SDK1: variants seen among roughly 807,000 people sequenced by gnomAD.
SDK1 encodes sidekick cell adhesion molecule 1, also known as protein sidekick-1.
A neutral mutation model predicts 245.5 loss-of-function variants in SDK1; 157 were observed. The ratio of observed to expected loss-of-function variants is 0.64; its 90% CI spans 0.56 to 0.73. The LOEUF is 0.73. Among genes scored for constraint, SDK1 ranks in the 30% least tolerant of loss-of-function variants. SDK1 has a pLI of 0.00. For synonymous variants in SDK1, 1,647 were observed against 1,278.5 expected (o/e 1.29, Z -6.15); for missense variants, 3,583 against 3,002.3 (o/e 1.19, Z -4.52).
At chr7:4,113,932 A>ACCT (rs1329498395) in intron 24 of SDK1, 105 bp from the exon 25 acceptor site, 12 of 799,848 alleles carry the variant, frequency 1.5e-5, no homozygotes, top group Non-Finnish European at 2.5e-5. Flanking sequence ...CCCCAGGAAC[A>ACCT]CCTCCTCCAC....
intron 17 of SDK1, among the ~76,000 whole-genome samples, chr7:4,047,659 T>G (rs1371102031): frequency 6.6e-6 from 1 of 152,206 alleles, no homozygotes; most frequent in Non-Finnish European, 1.5e-5. Flanking sequence ...TTGAGGATTT[T>G]GGGTGAATTT....
chr7:3,788,077 G>A (rs1405100910), intron 4 of SDK1, among the ~76,000 whole-genome samples: 2 of 152,156 alleles, frequency 1.3e-5, no homozygotes, highest in Non-Finnish European at 2.9e-5. Flanking sequence ...CAGTCTCAAA[G>A]CTGCAGCCCC....
intron 38 of SDK1, among the ~76,000 whole-genome samples, chr7:4,211,169 A>C (rs1474046413): frequency 6.6e-6 from 1 of 152,206 alleles, no homozygotes; most frequent in Non-Finnish European, 1.5e-5. Context: ...TCACGATGGA[A>C]AGAAGCTATC....
At chr7:3,428,442 A>G (rs770994663) in intron 1 of SDK1, among the ~76,000 whole-genome samples, 84 of 152,218 alleles carry the variant, frequency 5.5e-4, no homozygotes, top group Non-Finnish European at 1.1e-3. Context: ...CATACAGCAC[A>G]TGGCCAAAAA....
chr7:3,861,050 C>T (rs61071172), intron 5 of SDK1, among the ~76,000 whole-genome samples: 8,041 of 152,168 alleles, frequency 0.053, 689 homozygotes, highest in African/African-American at 0.18. Context: ...TCCTTTTAGG[C>T]CGACACGATT....
At chr7:3,405,465 T>C (rs1276961692) in intron 1 of SDK1, among the ~76,000 whole-genome samples, 1 of 152,186 alleles carries the variant, frequency 6.6e-6, no homozygotes, top group East Asian at 1.9e-4. Context: ...TGCCACAAAA[T>C]TTGAATGTAT....
intron 1 of SDK1, among the ~76,000 whole-genome samples, chr7:3,504,170 A>ATG (rs1369634510): frequency 7.6e-5 from 8 of 104,992 alleles, no homozygotes; most frequent in Non-Finnish European, 1.6e-4. Context: ...CAAAAAAATT[A>ATG]TATATATATA....
intron 2 of SDK1, among the ~76,000 whole-genome samples, chr7:3,624,351 A>G (rs1782045346): frequency 1.3e-5 from 2 of 152,114 alleles, no homozygotes; most frequent in African/African-American, 2.4e-5. Flanking sequence ...GGGACCCACC[A>G]GCACACCTGG....
intron 4 of SDK1, among the ~76,000 whole-genome samples, chr7:3,798,989 T>C (rs1470962139): frequency 6.6e-6 from 1 of 152,236 alleles, no homozygotes; most frequent in Non-Finnish European, 1.5e-5. Context: ...CCCCTCATTC[T>C]TCTACATTTA....
intron 28 of SDK1, among the ~76,000 whole-genome samples, chr7:4,144,068 C>T (rs1779780427): frequency 2.2e-5 from 3 of 134,590 alleles, no homozygotes; most frequent in Admixed American, 7.9e-5. Context: ...GTCGGGGAAA[C>T]GGGAGGCCTG....
At chr7:3,651,707 C>A (rs1011417644) in intron 4 of SDK1, among the ~76,000 whole-genome samples, 24 of 152,048 alleles carry the variant, frequency 1.6e-4, no homozygotes, top group African/African-American at 5.3e-4. Context: ...TAAAGTAAAT[C>A]CAAATCTATA....
chr7:3,864,755 G>A (rs1780780610), intron 5 of SDK1, among the ~76,000 whole-genome samples: 3 of 152,108 alleles, frequency 2.0e-5, no homozygotes, highest in African/African-American at 7.2e-5. Flanking sequence ...CCTGTTTATT[G>A]CTCCCAAATT....
Position 4,266,794 on chromosome 7 carries a change from C to T in SDK1, c.*1410C>T. 4.1e-6 allele frequency: 4 copies of T among 985,504 alleles called. No individual in the cohort carries two copies. The highest frequency in any genetic ancestry group is 4.8e-6 in the Non-Finnish European group (4 of 830,006). 61.0% of individuals were successfully genotyped at this position (985,504 alleles called of 1,614,324 possible). A position where few individuals can be genotyped will look rare whatever the true frequency, so the allele number is the denominator to read the frequency against. On this transcript the variant is annotated 3_prime_UTR_variant, in exon 45 of 45. Coordinates refer to ENST00000404826, the MANE Select transcript of SDK1 (RefSeq NM_152744.4). ...TGCTGGTGCCCACTGGCGTGTGTGC[C>T]CCGGGTCCCTGTAAGTGCCCCCTCA...
chr7:3,922,515 C>T (rs1417047461), intron 5 of SDK1, among the ~76,000 whole-genome samples: 5 of 152,196 alleles, frequency 3.3e-5, no homozygotes, highest in Non-Finnish European at 5.9e-5. Context: ...ATGAGTATGG[C>T]CAGTGACTGA....
intron 4 of SDK1, among the ~76,000 whole-genome samples, chr7:3,688,738 G>C (rs1434481867): frequency 6.6e-6 from 1 of 152,166 alleles, no homozygotes; most frequent in Non-Finnish European, 1.5e-5. Context: ...GAACTTTTTA[G>C]AGGGAAAATA....
At chr7:3,490,862 C>G (rs1781843878) in intron 1 of SDK1, among the ~76,000 whole-genome samples, 2 of 152,188 alleles carry the variant, frequency 1.3e-5, no homozygotes, top group African/African-American at 4.8e-5. Flanking sequence ...GTTCTTGGAA[C>G]TCTGGTAGAA....
chr7:3,362,865 A>G (rs1780990930), intron 1 of SDK1, among the ~76,000 whole-genome samples: 1 of 152,210 alleles, frequency 6.6e-6, no homozygotes, highest in Non-Finnish European at 1.5e-5. Flanking sequence ...TACGATGATA[A>G]ACATTTATAT....
intron 1 of SDK1, among the ~76,000 whole-genome samples, chr7:3,557,713 A>G (rs751620855): frequency 1.1e-4 from 16 of 152,170 alleles, no homozygotes; most frequent in South Asian, 2.1e-4. Context: ...ATCTCTTTGT[A>G]TTACATCCTA....
intron 35 of SDK1, among the ~76,000 whole-genome samples, chr7:4,196,111 G>A (rs1029488532): frequency 6.6e-6 from 1 of 152,194 alleles, no homozygotes; most frequent in East Asian, 1.9e-4. Context: ...GTGGACCTTA[G>A]AGCAAGGCAG....
Sources: allele counts gnomAD v4.1 joint callset (sites outside exome capture counted in the v4.1 genomes callset), GRCh38; gene constraint gnomAD v4.1.1; transcripts MANE v1.5; gene names NCBI Gene and HGNC (gene_info 2026-07-23, HGNC 2026-07-21).